Variants in PGPEP1 observed in about 807,000 individuals in gnomAD.
PGPEP1 encodes the protein pyroglutamyl-peptidase I, also known as pyroglutamyl-peptidase 1.
PGPEP1 carries 15 observed loss-of-function variants against 24.1 expected under a neutral mutation model. That is an observed-to-expected ratio of 0.62 (90% CI 0.42 to 0.96). PGPEP1 has a LOEUF of 0.96. Among genes scored for constraint, PGPEP1 ranks in the 40% least tolerant of loss-of-function variants. The pLI is 0.00. For synonymous variants in PGPEP1, 122 were observed against 116.4 expected (o/e 1.05, Z -0.31); for missense variants, 242 against 273.4 (o/e 0.89, Z 0.81).
Position 18,366,866 on chromosome 19 carries a change from CAT to C in PGPEP1, c.*3284_*3285del, listed in dbSNP as rs972996826. Reference sequence around the variant, plus strand: ...GTTGGGTCTTGGCTTAAAATATCCTCATGTGGGCTAGGTGTGGTTACTCACAC... The same window carrying C: ...GTTGGGTCTTGGCTTAAAATATCCTCGTGGGCTAGGTGTGGTTACTCACAC... On this transcript the variant is annotated 3_prime_UTR_variant, in exon 5 of 5. Transcript: ENST00000269919. The C allele has an allele frequency of 2.6e-5, 4 of 152,028 alleles. No individual in the cohort carries two copies. The highest frequency in any genetic ancestry group is 2.4e-5 in the African/African-American group (1 of 41,366). 9.4% of individuals were successfully genotyped at this position (152,028 alleles called of 1,614,324 possible).
rs1971428082 is a variant in PGPEP1 at position 18,363,851 on chromosome 19, C to T, written c.*268C>T. 8.9e-6 allele frequency: 3 copies of T among 335,434 alleles called. No homozygotes were observed. Among genetic ancestry groups the T allele is most frequent in the South Asian group, 6.0e-5 (1 of 16,630 alleles). The allele number at this position is 335,434 out of a possible 1,614,324, so 20.8% of individuals were successfully genotyped here. On this transcript the variant is annotated 3_prime_UTR_variant, in exon 5 of 5. Transcript: ENST00000269919. ...GACCAGGGAGGCCAGCCTGGGAGGT[C>T]CAGATGCCCAGGGAGAATCTTGGTC...
chr19:18,346,658 G>C (rs1178517220), intron 2 of PGPEP1, among the ~76,000 whole-genome samples: 1 of 17,384 alleles, frequency 5.8e-5, no homozygotes, highest in Middle Eastern at 0.028. Context: ...TTTTTTTTTT[G>C]AGACAGAGTT....
chr19:18,361,999 A>C (rs574099233), intron 4 of PGPEP1: 117 of 421,774 alleles, frequency 2.8e-4, no homozygotes, highest in African/African-American at 2.3e-3. Flanking sequence ...ACTCCCTGTC[A>C]GTGGGCTTTA....
Position 18,363,995 on chromosome 19 carries a change from A to C in PGPEP1, c.*412A>C, listed in dbSNP as rs1490622052. ...TCCAAGACTGGCTTTTACCAAATTT[A>C]AAAGCCTCTCAATGCGTCCTCGACC... On this transcript the variant is annotated 3_prime_UTR_variant, in exon 5 of 5. Transcript: ENST00000269919. 1 of 170,028 alleles carries C rather than the reference A, an allele frequency of 5.9e-6. No individual in the cohort carries two copies. Among genetic ancestry groups the C allele is most frequent in the African/African-American group, 2.4e-5 (1 of 41,826 alleles). 10.5% of individuals were successfully genotyped at this position (170,028 alleles called of 1,614,324 possible). A position where few individuals can be genotyped will look rare whatever the true frequency, so the allele number is the denominator to read the frequency against.
chr19:18,343,682 T>C (rs952341799), intron 2 of PGPEP1, among the ~76,000 whole-genome samples: 1 of 86,080 alleles, frequency 1.2e-5, no homozygotes, highest in Non-Finnish European at 2.8e-5. Context: ...TCTCCCTCTT[T>C]TTTTTTTTTT....
At chr19:18,361,813 G>A (rs1256981679) in intron 4 of PGPEP1, 4 of 985,110 alleles carry the variant, frequency 4.1e-6, no homozygotes, top group Non-Finnish European at 3.6e-6. Context: ...TTGCTTTTAC[G>A]TGGATGGAGT....
chr19:18,361,143 C>CT (rs200665137), intron 4 of PGPEP1, among the ~76,000 whole-genome samples: 1,673 of 149,084 alleles, frequency 0.011, 29 homozygotes, highest in African/African-American at 0.037. Flanking sequence ...AATTTTCTTT[C>CT]TTTTTTTTTA....
In PGPEP1 at chr19:18,369,257, T is replaced by G. The variant is rs1971639119; in HGVS notation, c.*5674T>G. On this transcript the variant is annotated 3_prime_UTR_variant, in exon 5 of 5. Coordinates refer to ENST00000269919, the MANE Select transcript of PGPEP1 (RefSeq NM_017712.4). ...GACTCCCAGGACTTGAGGGACCCAGTCCCACCCCAAACTGCTCCCCCTCCC... is the reference window on the plus strand; with the variant it reads ...GACTCCCAGGACTTGAGGGACCCAGGCCCACCCCAAACTGCTCCCCCTCCC... 1 of 152,166 alleles carries G rather than the reference T, an allele frequency of 6.6e-6. No individual in the cohort carries two copies. The highest frequency in any genetic ancestry group is 6.6e-5 in the Admixed American group (1 of 15,244). The allele number at this position is 152,166 out of a possible 1,614,324, so 9.4% of individuals were successfully genotyped here.
At chr19:18,345,048 T>C (rs1366048277) in intron 2 of PGPEP1, among the ~76,000 whole-genome samples, 2 of 152,098 alleles carry the variant, frequency 1.3e-5, no homozygotes, top group Non-Finnish European at 2.9e-5. Flanking sequence ...TTGCCCAGAC[T>C]GGAGTGCAAT....
chr19:18,355,883 C>T lies in PGPEP1; in HGVS notation c.88-12C>T, dbSNP rs1568314959. On this transcript the variant is annotated splice_polypyrimidine_tract_variant and intron_variant, in intron 2 of 4. Transcript: ENST00000269919. ...TCTGGGGCCATGACACTCCCACTCT[C>T]CTCTCTTCCAGGAGCTAGAAAAGCT... 1 of 1,570,692 alleles carries T rather than the reference C, an allele frequency of 6.4e-7. No individual in the cohort carries two copies. The highest frequency in any genetic ancestry group is 8.8e-7 in the Non-Finnish European group (1 of 1,140,696).
At chr19:18,362,512 G>C (rs567584210) in intron 4 of PGPEP1, among the ~76,000 whole-genome samples, 1 of 152,052 alleles carries the variant, frequency 6.6e-6, no homozygotes, top group African/African-American at 2.4e-5. Flanking sequence ...GATCACTACA[G>C]GTCAGGAGTT....
In PGPEP1 at chr19:18,357,363, C is replaced by T. The variant is rs565853075; in HGVS notation, c.205-20C>T. 3 of 1,601,736 alleles carry T rather than the reference C, an allele frequency of 1.9e-6. No homozygotes were observed. The highest frequency in any genetic ancestry group is 2.6e-6 in the Non-Finnish European group (3 of 1,170,552). On this transcript the variant is annotated intron_variant, in intron 3 of 4. Coordinates refer to ENST00000269919, the MANE Select transcript of PGPEP1 (RefSeq NM_017712.4). ...TCCCACGGGCAGGCCATGTTAAGTCCTGCCCCTGTCTGTGTGCAGCTGGTG... is the reference window on the plus strand; with the variant it reads ...TCCCACGGGCAGGCCATGTTAAGTCTTGCCCCTGTCTGTGTGCAGCTGGTG...
rs752874944 is a variant in PGPEP1 at position 18,364,083 on chromosome 19, G to GCTTTCTTTCTTTCTTTCTTTCTTT, written c.*508_*531dup. 0.11 allele frequency: 9,658 copies of GCTTTCTTTCTTTCTTTCTTTCTTT among 86,260 alleles called. 593 individuals are homozygous for GCTTTCTTTCTTTCTTTCTTTCTTT. Among genetic ancestry groups the GCTTTCTTTCTTTCTTTCTTTCTTT allele is most frequent in the Non-Finnish European group, 0.14 (5,288 of 38,122 alleles). 5.3% of individuals were successfully genotyped at this position (86,260 alleles called of 1,614,324 possible). ...ACCCTGGGATATGGCTGGCTGGCTG[G>GCTTTCTTTCTTTCTTTCTTTCTTT]CTTTCTTTCTTTCTTTCTTTCTTTC... On this transcript the variant is annotated 3_prime_UTR_variant, in exon 5 of 5. Transcript: ENST00000269919.
In PGPEP1 at chr19:18,343,679, C is replaced by CTTT. The variant is rs3078437; in HGVS notation, c.87+788_87+790dup. ...AATTATCCAACTCTAGGATCTCCCT[C>CTTT]TTTTTTTTTTTTTTTTTTTTTTGAG... On this transcript the variant is annotated intron_variant, in intron 2 of 4. Coordinates refer to ENST00000269919, the MANE Select transcript of PGPEP1 (RefSeq NM_017712.4). Among the ~76,000 whole-genome samples the CTTT allele has an allele frequency of 1.9e-3, 216 of 115,048 alleles. 1 individual carries two copies. The highest frequency in any genetic ancestry group is 3.9e-3 in the African/African-American group (112 of 28,982). The allele number at this position is 115,048 out of a possible 152,430, so 75.5% of individuals were successfully genotyped here. A position where few individuals can be genotyped will look rare whatever the true frequency, so the allele number is the denominator to read the frequency against.
intron 2 of PGPEP1, among the ~76,000 whole-genome samples, chr19:18,350,724 A>G (rs1161511446): frequency 6.6e-6 from 1 of 152,246 alleles, no homozygotes; most frequent in East Asian, 1.9e-4. Flanking sequence ...ATGTAGACAG[A>G]TCTCTGAAAT....
At position 18,368,469 on chromosome 19, in the gene PGPEP1, C is replaced by G. The variant is rs1355345130; in HGVS notation, c.*4886C>G. ...AAAAAAAAAAAAAGAATTCCCTGCT[C>G]TGCTTTTCTGCTCGTTGCTGGCATA... is the stretch of plus-strand genomic sequence containing the variant. On this transcript the variant is annotated 3_prime_UTR_variant, in exon 5 of 5. Coordinates refer to ENST00000269919, the MANE Select transcript of PGPEP1 (RefSeq NM_017712.4). 2.0e-5 allele frequency: 3 copies of G among 151,884 alleles called. No individual in the cohort carries two copies. The highest frequency in any genetic ancestry group is 2.9e-5 in the Non-Finnish European group (2 of 68,010). The allele number at this position is 151,884 out of a possible 1,614,324, so 9.4% of individuals were successfully genotyped here.
At chr19:18,362,871 A>G (rs1416876099) in intron 4 of PGPEP1, among the ~76,000 whole-genome samples, 2 of 152,236 alleles carry the variant, frequency 1.3e-5, no homozygotes, top group East Asian at 3.9e-4. Context: ...TAAACAAAAA[A>G]TGGAAATACC....
At chr19:18,342,542 G>C (rs1414802404) in intron 1 of PGPEP1, among the ~76,000 whole-genome samples, 1 of 152,188 alleles carries the variant, frequency 6.6e-6, no homozygotes, top group East Asian at 1.9e-4. Flanking sequence ...TTGAGTCAAG[G>C]GGACCAGAGG....
At position 18,357,533 on chromosome 19, in the gene PGPEP1, A is replaced by C. The variant is rs1971221918; in HGVS notation, c.355A>C (p.Ile119Leu). The C allele has an allele frequency of 1.9e-6, 3 of 1,613,324 alleles. No homozygotes were observed. The highest frequency in any genetic ancestry group is 1.6e-4 in the Middle Eastern group (1 of 6,082). Residue 119 changes from isoleucine (I) to leucine (L), a missense_variant, in exon 4 of 5, where the codon ATC (isoleucine) becomes CTC (leucine). Ile to Leu is a conservative substitution (Grantham distance 5). Transcript: ENST00000269919. ...VEDGPESIDS[I>L]IDMDAVCKRV... is the part of the protein sequence containing the mutation. Reference sequence around the variant, plus strand: ...GGACGGGCCTGAAAGCATTGACTCCATCATCGACATGGATGCTGTGTGCAA... The same window carrying C: ...GGACGGGCCTGAAAGCATTGACTCCCTCATCGACATGGATGCTGTGTGCAA...
Sources: allele counts gnomAD v4.1 joint callset (sites outside exome capture counted in the v4.1 genomes callset), GRCh38; gene constraint gnomAD v4.1.1; transcripts MANE v1.5; gene names NCBI Gene and HGNC (gene_info 2026-07-23, HGNC 2026-07-21).